The following RASGEF1C variants were observed in gnomAD, a reference collection of about 807,000 sequenced individuals.
RASGEF1C encodes the protein RasGEF domain family member 1C.
In RASGEF1C, 27 loss-of-function variants were observed where a neutral mutation model predicts 58.1. The ratio of observed to expected loss-of-function variants is 0.46; its 90% CI spans 0.34 to 0.64. RASGEF1C has a LOEUF of 0.64. Ranked by LOEUF, RASGEF1C falls within the 30% of genes least tolerant of loss-of-function variation. The pLI is 0.01. For synonymous variants in RASGEF1C, 243 were observed against 246.3 expected, an observed-to-expected ratio of 0.99 and a Z score of 0.13; for missense variants, 502 against 605.1, an observed-to-expected ratio of 0.83 and a Z score of 1.79.
chr5:180,136,894 CACG>C, intron 3 of RASGEF1C: 1 of 220,490 alleles, frequency 4.5e-6, no homozygotes. Context: ...CACAGGTGGC[CACG>C]TGACCTAGGA....
At chr5:180,118,265 G>T (rs1321623409) in intron 10 of RASGEF1C, among the ~76,000 whole-genome samples, 1 of 152,178 alleles carries the variant, frequency 6.6e-6, no homozygotes, top group Non-Finnish European at 1.5e-5. Flanking sequence ...GGCAGGTCTG[G>T]GGCCGCTGAC....
intron 1 of RASGEF1C, among the ~76,000 whole-genome samples, chr5:180,189,598 C>T (rs1385444396): frequency 6.6e-6 from 1 of 152,096 alleles, no homozygotes; most frequent in African/African-American, 2.4e-5. Flanking sequence ...GATGCAAATG[C>T]AATTCAGTGG....
chr5:180,134,953 A>G (rs549925484), intron 4 of RASGEF1C, among the ~76,000 whole-genome samples: 5 of 87,720 alleles, frequency 5.7e-5, no homozygotes, highest in African/African-American at 2.2e-4. Context: ...CCAATTACCC[A>G]GTCACCTATT....
At chr5:180,149,980 C>T (rs1426615499) in intron 1 of RASGEF1C, among the ~76,000 whole-genome samples, 1 of 152,088 alleles carries the variant, frequency 6.6e-6, no homozygotes, top group Admixed American at 6.6e-5. Context: ...CCTTTCTCTC[C>T]CTTCTTTTTC....
chr5:180,182,009 C>G (rs1238208049), intron 1 of RASGEF1C, among the ~76,000 whole-genome samples: 3 of 151,764 alleles, frequency 2.0e-5, no homozygotes, highest in African/African-American at 7.3e-5. Context: ...CGAGACCATC[C>G]TGGCTAACAC....
At chr5:180,200,504 G>A (rs1283331953) in intron 1 of RASGEF1C, among the ~76,000 whole-genome samples, 3 of 151,410 alleles carry the variant, frequency 2.0e-5, no homozygotes, top group Non-Finnish European at 4.4e-5. Flanking sequence ...TAGTAGAAAC[G>A]GGGTTTCACC....
At chr5:180,134,463 T>C (rs1420264454) in intron 4 of RASGEF1C, among the ~76,000 whole-genome samples, 1 of 151,138 alleles carries the variant, frequency 6.6e-6, no homozygotes, top group Non-Finnish European at 1.5e-5. Flanking sequence ...CAGACCTCAC[T>C]GCTGACCCTT....
intron 1 of RASGEF1C, among the ~76,000 whole-genome samples, chr5:180,185,570 A>G (rs1356934344): frequency 6.6e-6 from 1 of 151,428 alleles, no homozygotes; most frequent in Admixed American, 6.6e-5. Flanking sequence ...GGGTGACAAG[A>G]GTGAAACTCC....
At chr5:180,118,916 CT>C in intron 8 of RASGEF1C, 50 bp from the exon 9 acceptor site, 1 of 1,536,960 alleles carries the variant, frequency 6.5e-7, no homozygotes, top group Non-Finnish European at 9.0e-7. Context: ...ACAGGGGGGC[CT>C]CTGCGTAGCT....
intron 1 of RASGEF1C, among the ~76,000 whole-genome samples, chr5:180,159,633 C>T (rs768525529): frequency 1.3e-5 from 2 of 152,196 alleles, no homozygotes; most frequent in Non-Finnish European, 2.9e-5. Context: ...GGGCTGCGGA[C>T]AAGCTCGCAG....
At chr5:180,171,771 T>C (rs79898473) in intron 1 of RASGEF1C, among the ~76,000 whole-genome samples, 40,800 of 152,214 alleles carry the variant, frequency 0.27, 6,124 homozygotes, top group South Asian at 0.34. Flanking sequence ...ATAAATGCTT[T>C]GTTTTCTCCC....
At chr5:180,188,886 C>T (rs1225792485) in intron 1 of RASGEF1C, among the ~76,000 whole-genome samples, 2 of 152,146 alleles carry the variant, frequency 1.3e-5, no homozygotes, top group African/African-American at 2.4e-5. Flanking sequence ...TCCACGAATA[C>T]CCAGCAATCC....
intron 12 of RASGEF1C, among the ~76,000 whole-genome samples, chr5:180,104,986 G>T (rs1765853061): frequency 6.6e-6 from 1 of 152,142 alleles, no homozygotes; most frequent in Non-Finnish European, 1.5e-5. Context: ...TCCCCTGGTG[G>T]CTGCCTGAAA....
chr5:180,203,994 A>G (rs1756446243), intron 1 of RASGEF1C, among the ~76,000 whole-genome samples: 1 of 42,462 alleles, frequency 2.4e-5, no homozygotes, highest in African/African-American at 8.6e-5. Flanking sequence ...CTCTGTCTCA[A>G]AAAACAAACA....
Position 180,137,888 on chromosome 5 carries a change from G to T in RASGEF1C, c.165C>A (p.Asp55Glu), listed in dbSNP as rs777463614. The T allele has an allele frequency of 4.3e-6, 7 of 1,612,672 alleles. No homozygotes were observed. The South Asian group carries it at 6.6e-5, about 15-fold the overall frequency. ...TLIQHLVPTA[D>E]YYPEKAYIFT... ...GTGGATCACCCACCTCGGGGTAGTA[G>T]TCGGCTGTGGGCACCAGGTGCTGGA... The change falls in exon 2 of 14, where the codon GAC becomes GAA. Residue 55 changes from aspartate to glutamate, a missense_variant. Coordinates refer to ENST00000361132, the MANE Select transcript of RASGEF1C (RefSeq NM_175062.4). The surrounding 1 kb of genome is among the most constrained non-coding windows in gnomAD (Gnocchi z 4.1).
chr5:180,186,136 C>T (rs916076854), intron 1 of RASGEF1C, among the ~76,000 whole-genome samples: 29 of 150,204 alleles, frequency 1.9e-4, no homozygotes, highest in Admixed American at 4.0e-4. Flanking sequence ...CAACAATGCT[C>T]GCTTTTACCA....
intron 4 of RASGEF1C, 95 bp from the exon 5 acceptor site, chr5:180,128,705 T>A: frequency 7.9e-7 from 1 of 1,266,936 alleles, no homozygotes; most frequent in Non-Finnish European, 1.1e-6. Context: ...AAAGGGAGGG[T>A]CTTTTCCTCA....
At chr5:180,150,105 A>C (rs1766722756) in intron 1 of RASGEF1C, among the ~76,000 whole-genome samples, 1 of 152,044 alleles carries the variant, frequency 6.6e-6, no homozygotes, top group African/African-American at 2.4e-5. Context: ...CAATAATTTC[A>C]ATTGCCCTAT....
At chr5:180,104,270 C>T (rs1048270315) in intron 12 of RASGEF1C, among the ~76,000 whole-genome samples, 3 of 152,058 alleles carry the variant, frequency 2.0e-5, no homozygotes, top group Non-Finnish European at 2.9e-5. Flanking sequence ...CTGGAGGAGG[C>T]GATTAGGCCA....
Sources: gnomAD v4.1 joint callset for allele counts (sites outside exome capture counted in the v4.1 genomes callset) on GRCh38, gnomAD v4.1.1 for gene constraint, Gnocchi (gnomAD v3.1) non-coding constraint, MANE v1.5 for transcripts, NCBI Gene and HGNC (gene_info 2026-07-23, HGNC 2026-07-21) for gene names.